The following MAP3K3 variants were observed in gnomAD, a reference collection of about 807,000 sequenced individuals.
MAP3K3 encodes mitogen-activated protein kinase kinase kinase 3, also known as MAP/ERK kinase kinase 3.
MAP3K3 carries 12 observed loss-of-function variants against 80.9 expected under a neutral mutation model. The observed-to-expected ratio is 0.15, with a 90% CI of 0.10 to 0.24. The LOEUF is 0.24. MAP3K3 is among the 10% of genes least tolerant of loss of function. The probability of loss-of-function intolerance (pLI) is 1.00; values close to 1 mark genes in which losing one functional copy is unlikely to be tolerated. For missense variants in MAP3K3, 596 were observed against 834.7 expected (o/e 0.71, Z 3.52); for synonymous variants, 272 against 307.1 (o/e 0.89, Z 1.19).
intron 7 of MAP3K3, among the ~76,000 whole-genome samples, chr17:63,684,607 AT>A (rs2143579127): frequency 6.6e-6 from 1 of 152,282 alleles, no homozygotes; most frequent in African/African-American, 2.4e-5. Flanking sequence ...TCGTTAGTGA[AT>A]TTTCATAATT....
At chr17:63,677,459 G>A (rs1463542634) in intron 6 of MAP3K3, among the ~76,000 whole-genome samples, 1 of 152,194 alleles carries the variant, frequency 6.6e-6, no homozygotes, top group Non-Finnish European at 1.5e-5. Flanking sequence ...GACATGATAA[G>A]ACTTAGGAAA....
intron 5 of MAP3K3, among the ~76,000 whole-genome samples, chr17:63,662,256 A>C (rs945234645): frequency 1.8e-4 from 27 of 151,422 alleles, no homozygotes; most frequent in African/African-American, 5.6e-4. Flanking sequence ...AAAAAAAAAA[A>C]AAAAAACGAA....
At chr17:63,635,974 A>G (rs1301696993) in intron 2 of MAP3K3, among the ~76,000 whole-genome samples, 1 of 152,182 alleles carries the variant, frequency 6.6e-6, no homozygotes, top group Non-Finnish European at 1.5e-5. Flanking sequence ...TCAAGGGTGG[A>G]ATGGGGCTGG....
At position 63,650,658 on chromosome 17, in the gene MAP3K3, T is replaced by TAGAGAGAGAGAGAG. The variant is rs61412799; in HGVS notation, c.168-1874_168-1861dup. 8.1e-4 allele frequency among the ~76,000 whole-genome samples: 95 copies of TAGAGAGAGAGAGAG among 117,270 alleles called. 1 individual carries two copies. Among genetic ancestry groups the TAGAGAGAGAGAGAG allele is most frequent in the African/African-American group, 3.0e-3 (92 of 30,384 alleles). The allele number at this position is 117,270 out of a possible 152,430, so 76.9% of individuals were successfully genotyped here. On this transcript the variant is annotated intron_variant, in intron 3 of 15. Transcript: ENST00000361733. ...AGACCTTCTCTCTCTCTGTCTCTTA[T>TAGAGAGAGAGAGAG]AGAGAGAGAGAGAGAGAGAGAGAGA...
chr17:63,627,527 C>G (rs2034126450), intron 1 of MAP3K3, among the ~76,000 whole-genome samples: 1 of 151,826 alleles, frequency 6.6e-6, no homozygotes. Context: ...ACTGCAACCT[C>G]TGCCTCCCGG....
intron 6 of MAP3K3, among the ~76,000 whole-genome samples, chr17:63,670,252 T>A (rs1598100783): frequency 1.3e-5 from 2 of 151,962 alleles, no homozygotes; most frequent in East Asian, 3.9e-4. Flanking sequence ...AATTACAAAC[T>A]GTGACTGAAA....
rs373851514 is a variant in MAP3K3, at chr17:63,672,632, G to A, written c.502+5572G>A. On this transcript the variant is annotated intron_variant, in intron 6 of 15. Coordinates refer to ENST00000361733, the MANE Select transcript of MAP3K3 (RefSeq NM_002401.5). ...AGTGCCTAAGCAGAGACTATAGAATGAGAAGAAAAGAGGGTCCATGATTGA... is the reference window on the plus strand; with the variant it reads ...AGTGCCTAAGCAGAGACTATAGAATAAGAAGAAAAGAGGGTCCATGATTGA... Among the ~76,000 whole-genome samples, 18 of 152,252 alleles carry A rather than the reference G, an allele frequency of 1.2e-4. No homozygotes were observed. In the East Asian group the frequency reaches 3.5e-3, roughly 29 times the overall value.
At chr17:63,652,982 C>T (rs1011393028) in intron 4 of MAP3K3, among the ~76,000 whole-genome samples, 1 of 152,048 alleles carries the variant, frequency 6.6e-6, no homozygotes, top group African/African-American at 2.4e-5. Flanking sequence ...TTTTTTCCCC[C>T]CAGCACAGCC....
intron 2 of MAP3K3, among the ~76,000 whole-genome samples, chr17:63,635,966 A>G (rs1472073675): frequency 6.6e-6 from 1 of 152,174 alleles, no homozygotes; most frequent in Non-Finnish European, 1.5e-5. Context: ...TTGTTTATTC[A>G]AGGGTGGAAT....
At position 63,663,382 on chromosome 17, in the gene MAP3K3, A is replaced by G. The variant is rs2034934705; in HGVS notation, c.382-3558A>G. Among the ~76,000 whole-genome samples the G allele has an allele frequency of 2.6e-5, 4 of 152,172 alleles. No homozygotes were observed. In the South Asian group the frequency reaches 8.3e-4, roughly 32 times the overall value. ...CTGAGCGTGGTGGCGCATGCCCGCAATCCCAGATACTCGGGAGGCTGAGGC... is the reference window on the plus strand; with the variant it reads ...CTGAGCGTGGTGGCGCATGCCCGCAGTCCCAGATACTCGGGAGGCTGAGGC... On this transcript the variant is annotated intron_variant, in intron 5 of 15. Coordinates refer to ENST00000361733, the MANE Select transcript of MAP3K3 (RefSeq NM_002401.5).
chr17:63,665,925 T>A (rs1235667937), intron 5 of MAP3K3, among the ~76,000 whole-genome samples: 1 of 152,106 alleles, frequency 6.6e-6, no homozygotes, highest in African/African-American at 2.4e-5. Context: ...CTTTTTTTGT[T>A]AGGGGGAGGT....
chr17:63,634,941 T>A (rs775404746), intron 2 of MAP3K3: 34 of 728,720 alleles, frequency 4.7e-5, no homozygotes, highest in Non-Finnish European at 7.1e-5. Flanking sequence ...CTGTGTTCAG[T>A]GCTTCTAGTC....
At chr17:63,686,022 C>G (rs1301815145) in intron 8 of MAP3K3, among the ~76,000 whole-genome samples, 2 of 152,078 alleles carry the variant, frequency 1.3e-5, no homozygotes, top group Non-Finnish European at 2.9e-5. Context: ...AACAGAATAT[C>G]CAGAATGCCT....
In MAP3K3 at chr17:63,622,759, C is replaced by T. The variant is rs2034013560; in HGVS notation, c.-1C>T. The stretch of plus-strand genomic sequence containing the variant: ...TAGCCACCGCCGCCGCCATCGCCAC[C>T]ATGGGTAAGTGTCGCCACCGCCCCG... On this transcript the variant is annotated 5_prime_UTR_variant, in exon 1 of 16. Transcript: ENST00000361733. The T allele has an allele frequency of 7.5e-6, 4 of 531,848 alleles. No homozygotes were observed. The highest frequency in any genetic ancestry group is 6.1e-5 in the African/African-American group (3 of 49,254). The allele number at this position is 531,848 out of a possible 1,614,324, so 32.9% of individuals were successfully genotyped here.
At chr17:63,651,521 C>A (rs8075273) in intron 3 of MAP3K3, among the ~76,000 whole-genome samples, 42,621 of 151,988 alleles carry the variant, frequency 0.28, 6,386 homozygotes, top group Middle Eastern at 0.37. Context: ...ATGGAAATTT[C>A]AAGCACACAC....
chr17:63,663,175 T>C (rs574981383), intron 5 of MAP3K3, among the ~76,000 whole-genome samples: 1 of 151,912 alleles, frequency 6.6e-6, no homozygotes, highest in East Asian at 1.9e-4. Flanking sequence ...TTTCAAGGAG[T>C]TGGAGTCACT....
chr17:63,645,741 T>G (rs1207063373), intron 2 of MAP3K3, among the ~76,000 whole-genome samples: 48 of 151,550 alleles, frequency 3.2e-4, no homozygotes, highest in Admixed American at 3.2e-3. Flanking sequence ...CAGAGCCAAT[T>G]GTAGAAATAG....
chr17:63,641,814 A>G (rs2034449164), intron 2 of MAP3K3, among the ~76,000 whole-genome samples: 1 of 152,044 alleles, frequency 6.6e-6, no homozygotes, highest in Admixed American at 6.6e-5. Context: ...CAGAAGTCGC[A>G]AGGTTGAGGA....
Position 63,635,903 on chromosome 17 carries a change from A to G in MAP3K3, c.126+3101A>G, listed in dbSNP as rs76811528. 9.2e-3 allele frequency among the ~76,000 whole-genome samples: 1,401 copies of G among 152,314 alleles called. 24 individuals carry two copies. Among genetic ancestry groups the G allele is most frequent in the African/African-American group, 0.032 (1,311 of 41,560 alleles). ...AAATGTCTAATTGGATTACAGATTCAAATTACAGAGTCCCAGTTGAAAGAA... is the reference window on the plus strand; with the variant it reads ...AAATGTCTAATTGGATTACAGATTCGAATTACAGAGTCCCAGTTGAAAGAA... On this transcript the variant is annotated intron_variant, in intron 2 of 15. Coordinates refer to ENST00000361733, the MANE Select transcript of MAP3K3 (RefSeq NM_002401.5).
Sources: allele counts gnomAD v4.1 joint callset (sites outside exome capture counted in the v4.1 genomes callset), GRCh38; gene constraint gnomAD v4.1.1; transcripts MANE v1.5; gene names NCBI Gene and HGNC (gene_info 2026-07-23, HGNC 2026-07-21).